STPG2: variants seen among roughly 807,000 people sequenced by gnomAD.
STPG2 encodes the protein sperm-tail PG-rich repeat-containing protein 2.
Under a neutral mutation model 54.2 loss-of-function variants are expected in STPG2, and 56 were observed. The ratio of observed to expected loss-of-function variants is 1.03; its 90% CI spans 0.83 to 1.29. The LOEUF (loss-of-function observed/expected upper bound fraction) is 1.29, where lower values mean the gene tolerates loss of function less well. STPG2 is among the 50% of genes most tolerant of loss of function. STPG2 has a pLI of 0.00. For missense variants in STPG2, 596 were observed against 544.9 expected (o/e 1.09, Z -0.93); for synonymous variants, 200 against 181.8 (o/e 1.10, Z -0.81).
At chr4:97,557,069 T>C (rs920336967), downstream of STPG2, among the ~76,000 whole-genome samples, 1 of 152,074 alleles carries the variant, frequency 6.6e-6, no homozygotes, top group African/African-American at 2.4e-5. Context: ...TAGTCCCAGC[T>C]ACTCAGGAGG....
At chr4:97,709,434 A>C (rs1416576857) in intron 10 of STPG2, among the ~76,000 whole-genome samples, 3 of 151,612 alleles carry the variant, frequency 2.0e-5, no homozygotes, top group Non-Finnish European at 3.0e-5. Context: ...CTCTGAAATT[A>C]ATCTCTAATT....
chr4:98,052,006 G>A (rs987769597), intron 5 of STPG2, among the ~76,000 whole-genome samples: 3 of 151,304 alleles, frequency 2.0e-5, no homozygotes, highest in Non-Finnish European at 4.4e-5. Flanking sequence ...AGAATCATTT[G>A]AACACGGGAG....
chr4:97,454,187 G>A (rs1485764327), intron 4 of STPG2, among the ~76,000 whole-genome samples: 2 of 152,032 alleles, frequency 1.3e-5, no homozygotes, highest in Non-Finnish European at 2.9e-5. Flanking sequence ...TTAAAAATAG[G>A]CATTTAGTGT....
At chr4:97,642,683 T>C in intron 10 of STPG2, among the ~76,000 whole-genome samples, 1 of 151,482 alleles carries the variant, frequency 6.6e-6, no homozygotes. Flanking sequence ...CTGATTTTAG[T>C]TATAAACAAT....
At chr4:97,981,528 T>C (rs900306269) in intron 5 of STPG2, among the ~76,000 whole-genome samples, 4 of 152,100 alleles carry the variant, frequency 2.6e-5, no homozygotes, top group African/African-American at 4.8e-5. Flanking sequence ...AATATAGTAA[T>C]GTATTATGTG....
intron 8 of STPG2, among the ~76,000 whole-genome samples, chr4:97,883,243 C>T (rs1730446122): frequency 6.6e-6 from 1 of 151,022 alleles, no homozygotes; most frequent in African/African-American, 2.4e-5. Context: ...TTTTAATTAA[C>T]TGGCCTTGTT....
At chr4:98,012,857 T>A (rs566015077) in intron 5 of STPG2, among the ~76,000 whole-genome samples, 14 of 152,276 alleles carry the variant, frequency 9.2e-5, no homozygotes, top group African/African-American at 2.9e-4. Flanking sequence ...GGGGTTGAGA[T>A]GATAGGGTTT....
intron 4 of STPG2, among the ~76,000 whole-genome samples, chr4:97,533,716 A>T (rs183125274): frequency 2.0e-5 from 3 of 152,100 alleles, no homozygotes; most frequent in Non-Finnish European, 4.4e-5. Context: ...TGTATCAATA[A>T]GTTCTTTTTA....
At chr4:97,899,145 T>C (rs1476234049) in intron 8 of STPG2, among the ~76,000 whole-genome samples, 1 of 151,824 alleles carries the variant, frequency 6.6e-6, no homozygotes, top group Non-Finnish European at 1.5e-5. Flanking sequence ...GAAATCAATA[T>C]ACAAAACTCA....
intron 9 of STPG2, among the ~76,000 whole-genome samples, chr4:97,739,863 T>C (rs946388729): frequency 2.0e-5 from 3 of 152,124 alleles, no homozygotes; most frequent in African/African-American, 7.2e-5. Flanking sequence ...ACTCATTTTA[T>C]GATGCCAGCA....
chr4:97,779,204 T>C (rs1017119159), intron 9 of STPG2, among the ~76,000 whole-genome samples: 1 of 152,162 alleles, frequency 6.6e-6, no homozygotes, highest in African/African-American at 2.4e-5. Flanking sequence ...GATGAATGGC[T>C]AACTAGAATA....
In STPG2 at chr4:97,703,876, C is replaced by T. The variant is rs546628784; in HGVS notation, c.1320+8823G>A. Reference sequence around the variant, plus strand: ...TAACTTACATAATCACAAGGTCCCACAATAGGCTGTCTGCAAACTGAGGAG... The same window carrying T: ...TAACTTACATAATCACAAGGTCCCATAATAGGCTGTCTGCAAACTGAGGAG... On this transcript the variant is annotated intron_variant, in intron 10 of 10. Transcript: ENST00000295268. Among the ~76,000 whole-genome samples the T allele has an allele frequency of 4.4e-3, 669 of 150,980 alleles. 4 individuals carry two copies. The highest frequency in any genetic ancestry group is 7.0e-3 in the Non-Finnish European group (476 of 67,798).
At chr4:97,832,638 T>A (rs556995139) in intron 9 of STPG2, among the ~76,000 whole-genome samples, 3 of 152,318 alleles carry the variant, frequency 2.0e-5, no homozygotes, top group African/African-American at 7.2e-5. Context: ...AAAATCTCCT[T>A]AAGCTGATAA....
chr4:97,918,978 T>A (rs937377317), intron 8 of STPG2, among the ~76,000 whole-genome samples: 3 of 152,146 alleles, frequency 2.0e-5, no homozygotes, highest in African/African-American at 7.2e-5. Context: ...TTTTTAAAAA[T>A]TAAAAGCAAG....
rs1283534209 is a variant in STPG2 at position 97,944,073 on chromosome 4, T to C, written c.934-66A>G. On this transcript the variant is annotated intron_variant, in intron 7 of 10. Transcript: ENST00000295268. ...TTATCAATACAAGAGGCACTATAAA[T>C]AATAAGTTTGCAATGAAGTTCATCA... 1.3e-5 allele frequency: 13 copies of C among 1,028,372 alleles called. No homozygotes were observed. In the Admixed American group the frequency reaches 1.7e-4, roughly 13 times the overall value. The allele number at this position is 1,028,372 out of a possible 1,614,324, so 63.7% of individuals were successfully genotyped here.
chr4:97,482,668 G>C (rs1730252440), intron 4 of STPG2, among the ~76,000 whole-genome samples: 1 of 151,608 alleles, frequency 6.6e-6, no homozygotes, highest in Non-Finnish European at 1.5e-5. Flanking sequence ...CCCTGGCCTT[G>C]CTAGAGACCT....
intron 4 of STPG2, among the ~76,000 whole-genome samples, chr4:97,448,230 C>T (rs1203239232): frequency 6.6e-6 from 1 of 152,154 alleles, no homozygotes; most frequent in Non-Finnish European, 1.5e-5. Flanking sequence ...GTGGAAGGGA[C>T]TTACCTTGTC....
chr4:97,597,355 C>T (rs1170443156), intron 10 of STPG2, among the ~76,000 whole-genome samples: 2 of 152,032 alleles, frequency 1.3e-5, no homozygotes, highest in Non-Finnish European at 2.9e-5. Context: ...ACCATTCCTA[C>T]CGAAACTATT....
chr4:98,020,624 C>T (rs1238282488), intron 5 of STPG2, among the ~76,000 whole-genome samples: 2 of 152,074 alleles, frequency 1.3e-5, no homozygotes, highest in East Asian at 1.9e-4. Flanking sequence ...TCTGGTAGAA[C>T]TCGGCTGTGA....
Sources: allele counts gnomAD v4.1 joint callset (sites outside exome capture counted in the v4.1 genomes callset), GRCh38; gene constraint gnomAD v4.1.1; transcripts MANE v1.5; gene names NCBI Gene and HGNC (gene_info 2026-07-23, HGNC 2026-07-21).